NRCAM: variants seen among roughly 807,000 people sequenced by gnomAD.
The protein encoded by NRCAM is neuronal cell adhesion molecule, also known as NgCAM-related cell adhesion molecule.
A neutral mutation model predicts 156.5 loss-of-function variants in NRCAM; 83 were observed. That is an observed-to-expected ratio of 0.53 (90% CI 0.44 to 0.64). NRCAM has a LOEUF of 0.64. Among genes scored for constraint, NRCAM ranks in the 30% least tolerant of loss-of-function variants. The pLI is 0.00. For missense variants in NRCAM, 1,417 were observed against 1,597.3 expected, an observed-to-expected ratio of 0.89 and a Z score of 1.92; for synonymous variants, 538 against 563.9, an observed-to-expected ratio of 0.95 and a Z score of 0.65.
At chr7:108,169,129 CTGTT>C (rs1253903054) in intron 28 of NRCAM, among the ~76,000 whole-genome samples, 2 of 152,172 alleles carry the variant, frequency 1.3e-5, no homozygotes, top group African/African-American at 2.4e-5. Context: ...TACCTGTTAA[CTGTT>C]TGTTACAAAG....
chr7:108,210,947 C>A (rs1404011901), intron 11 of NRCAM, among the ~76,000 whole-genome samples: 1 of 152,194 alleles, frequency 6.6e-6, no homozygotes, highest in Non-Finnish European at 1.5e-5. Flanking sequence ...GGCAGAACTA[C>A]ATTGCAGCTC....
At chr7:108,427,075 G>T (rs554055037) in intron 1 of NRCAM, among the ~76,000 whole-genome samples, 1 of 152,204 alleles carries the variant, frequency 6.6e-6, no homozygotes, top group South Asian at 2.1e-4. Context: ...ACTGTTTCAC[G>T]AACATGCCTT....
intron 2 of NRCAM, among the ~76,000 whole-genome samples, chr7:108,369,507 T>C (rs2099615166): frequency 6.6e-6 from 1 of 152,186 alleles, no homozygotes; most frequent in African/African-American, 2.4e-5. Flanking sequence ...GCAGATGTTA[T>C]TAGCTCACTG....
At chr7:108,419,065 G>A (rs1039629593) in intron 1 of NRCAM, among the ~76,000 whole-genome samples, 19 of 152,024 alleles carry the variant, frequency 1.2e-4, no homozygotes, top group African/African-American at 4.3e-4. Context: ...CCGTATGTCC[G>A]CTCTGGTTAG....
intron 1 of NRCAM, among the ~76,000 whole-genome samples, chr7:108,441,870 C>T (rs1257862797): frequency 3.9e-5 from 6 of 152,180 alleles, no homozygotes; most frequent in Non-Finnish European, 1.5e-5. Flanking sequence ...GCCTAAAATG[C>T]CTACATATTT....
chr7:108,223,651 A>G, intron 11 of NRCAM, 74 bp downstream of exon 11: 1 of 714,582 alleles, frequency 1.4e-6, no homozygotes. Context: ...CTCCTATGAT[A>G]TTATTAACCT....
chr7:108,387,947 C>T (rs2099746565), intron 2 of NRCAM, among the ~76,000 whole-genome samples: 1 of 152,120 alleles, frequency 6.6e-6, no homozygotes, highest in Admixed American at 6.5e-5. Flanking sequence ...TTTTCTTAAT[C>T]CAGTCGATCA....
intron 3 of NRCAM, 72 bp from the exon 4 acceptor site, chr7:108,240,242 A>G (rs1330023972): frequency 1.9e-6 from 1 of 514,672 alleles, no homozygotes; most frequent in Non-Finnish European, 3.5e-6. Context: ...GGAAGTCTGC[A>G]GCACAGAGAA....
intron 1 of NRCAM, among the ~76,000 whole-genome samples, chr7:108,441,487 T>C (rs1163956026): frequency 1.3e-5 from 2 of 152,234 alleles, no homozygotes; most frequent in Non-Finnish European, 2.9e-5. Flanking sequence ...CAGTTCTCTA[T>C]ACAACATTCC....
intron 13 of NRCAM, among the ~76,000 whole-genome samples, chr7:108,205,852 G>A (rs1439869036): frequency 3.9e-5 from 6 of 152,146 alleles, no homozygotes; most frequent in Non-Finnish European, 5.9e-5. Context: ...GCCTCTGAAA[G>A]TGCTGGGATT....
chr7:108,376,094 A>G (rs2099674399), intron 2 of NRCAM, among the ~76,000 whole-genome samples: 1 of 152,132 alleles, frequency 6.6e-6, no homozygotes, highest in Non-Finnish European at 1.5e-5. Context: ...GCACATCACA[A>G]ATTTCTTTCT....
At chr7:108,361,413 T>C (rs747987123) in intron 2 of NRCAM, among the ~76,000 whole-genome samples, 1 of 152,210 alleles carries the variant, frequency 6.6e-6, no homozygotes. Flanking sequence ...GTAGTCTGAG[T>C]AAAGCCGATC....
At chr7:108,218,214 G>C (rs1051205552) in intron 11 of NRCAM, among the ~76,000 whole-genome samples, 4 of 149,322 alleles carry the variant, frequency 2.7e-5, no homozygotes, top group African/African-American at 1.0e-4. Flanking sequence ...CACTTCCTGA[G>C]TGAGGTGACA....
chr7:108,349,986 A>G (rs2099399922), intron 2 of NRCAM, among the ~76,000 whole-genome samples: 1 of 152,172 alleles, frequency 6.6e-6, no homozygotes, highest in Non-Finnish European at 1.5e-5. Context: ...CTTTCCTCAC[A>G]TCGGTGATCA....
intron 3 of NRCAM, among the ~76,000 whole-genome samples, chr7:108,295,408 G>T (rs1202583627): frequency 1.3e-5 from 2 of 152,140 alleles, no homozygotes; most frequent in African/African-American, 4.8e-5. Context: ...CTGGAGGCTG[G>T]GAAATCAAAG....
chr7:108,422,816 G>T (rs1047703187), intron 1 of NRCAM, among the ~76,000 whole-genome samples: 4 of 152,080 alleles, frequency 2.6e-5, no homozygotes, highest in African/African-American at 9.7e-5. Context: ...AAACATGATG[G>T]TCCAATGAGG....
rs145601690 is a variant in NRCAM at position 108,449,886 on chromosome 7, C to T, written c.-332+6357G>A. Among the ~76,000 whole-genome samples the T allele has an allele frequency of 2.5e-4, 37 of 150,796 alleles. No individual in the cohort carries two copies. The East Asian group carries it at 6.4e-3, about 26-fold the overall frequency. On this transcript the variant is annotated intron_variant, in intron 1 of 32. Transcript: ENST00000379028. ...TGGAAGACCTCCTACAGGATTCCCT[C>T]AGATTGCCCTAGAAATAGATTTTTT...
Position 108,204,275 on chromosome 7 carries a change from C to T in NRCAM, c.1207+3253G>A, listed in dbSNP as rs543577535. 5.9e-5 allele frequency among the ~76,000 whole-genome samples: 9 copies of T among 152,322 alleles called. No individual in the cohort carries two copies. The East Asian group carries it at 1.4e-3, about 23-fold the overall frequency. On this transcript the variant is annotated intron_variant, in intron 13 of 32. Coordinates refer to ENST00000379028, the MANE Select transcript of NRCAM (RefSeq NM_001037132.4). ...CTCATTATTTTGGATCAGGGGAGAT[C>T]AACACACAGTGGGGGCATGCAGGGT...
At chr7:108,229,388 G>A (rs770981512) in intron 8 of NRCAM, among the ~76,000 whole-genome samples, 3 of 152,142 alleles carry the variant, frequency 2.0e-5, no homozygotes, top group Admixed American at 6.6e-5. Flanking sequence ...CCAGCCTCTC[G>A]ATTAGCTGGG....
Sources: gnomAD v4.1 joint callset for allele counts (sites outside exome capture counted in the v4.1 genomes callset) on GRCh38, gnomAD v4.1.1 for gene constraint, MANE v1.5 for transcripts, NCBI Gene and HGNC (gene_info 2026-07-23, HGNC 2026-07-21) for gene names.